Variants in ANKRD30BL observed in about 807,000 individuals in gnomAD.
The protein encoded by ANKRD30BL is ankyrin repeat domain 30B like.
Under a neutral mutation model 18.4 loss-of-function variants are expected in ANKRD30BL, and 20 were observed. The observed-to-expected ratio is 1.09, with a 90% CI of 0.77 to 1.58. The LOEUF (loss-of-function observed/expected upper bound fraction) is 1.58. Among genes scored for constraint, ANKRD30BL ranks in the 40% most tolerant of loss-of-function variants. The probability of loss-of-function intolerance (pLI) is 0.00; values close to 1 mark genes in which losing one functional copy is unlikely to be tolerated. For missense variants in ANKRD30BL, 224 were observed against 268.6 expected, an observed-to-expected ratio of 0.83 and a Z score of 1.16; for synonymous variants, 72 against 100.9, an observed-to-expected ratio of 0.71 and a Z score of 1.72.
intron 1 of ANKRD30BL, among the ~76,000 whole-genome samples, chr2:132,245,272 T>C (rs1340731197): frequency 1.3e-5 from 2 of 152,270 alleles, no homozygotes; most frequent in African/African-American, 4.8e-5. Context: ...GGGAATATCT[T>C]CACATAAAAA....
chr2:132,168,343 T>G (rs1162578155), intron 1 of ANKRD30BL, among the ~76,000 whole-genome samples: 1 of 152,202 alleles, frequency 6.6e-6, no homozygotes, highest in Non-Finnish European at 1.5e-5. Flanking sequence ...TTCTTGTGTA[T>G]TTTGAATAAT....
At chr2:132,198,281 TTTC>T (rs1410878178) in intron 1 of ANKRD30BL, among the ~76,000 whole-genome samples, 4 of 8,484 alleles carry the variant, frequency 4.7e-4, no homozygotes, top group Non-Finnish European at 9.8e-4. Context: ...TCTTTCTTTC[TTTC>T]TTTCTTTCTT....
intron 1 of ANKRD30BL, among the ~76,000 whole-genome samples, chr2:132,252,962 C>A (rs1037048666): frequency 6.6e-6 from 1 of 152,092 alleles, no homozygotes; most frequent in Admixed American, 6.5e-5. Flanking sequence ...GGGAGCCCCC[C>A]TTCCCCACGC....
upstream of ANKRD30BL, among the ~76,000 whole-genome samples, chr2:132,164,350 G>A (rs1248779713): frequency 2.7e-5 from 4 of 149,468 alleles, no homozygotes; most frequent in South Asian, 4.2e-4. Flanking sequence ...GAGTGCAGTG[G>A]CGTGATCTCG....
chr2:132,257,489 A>G, intron 1 of ANKRD30BL: 1 of 258,544 alleles, frequency 3.9e-6, no homozygotes, highest in African/African-American at 2.4e-5. Context: ...CTGGGTCCCC[A>G]CCGCGGAGGC....
chr2:132,177,153 A>AT (rs143824901), intron 1 of ANKRD30BL, among the ~76,000 whole-genome samples: 5,873 of 143,852 alleles, frequency 0.041, 367 homozygotes, highest in African/African-American at 0.14. Context: ...AGATGTGCCT[A>AT]TTTTTTTTTT....
intron 1 of ANKRD30BL, among the ~76,000 whole-genome samples, chr2:132,204,016 G>T (rs9287389): frequency 6.6e-6 from 1 of 152,180 alleles, no homozygotes; most frequent in African/African-American, 2.4e-5. Flanking sequence ...GAGAGTTATG[G>T]TTGTATACAG....
chr2:132,176,296 G>C (rs1233676699), intron 1 of ANKRD30BL, among the ~76,000 whole-genome samples: 1 of 151,872 alleles, frequency 6.6e-6, no homozygotes, highest in African/African-American at 2.4e-5. Context: ...TTGGGAGGCT[G>C]AGGCGAGTAG....
chr2:132,181,840 G>A (rs1376865451), intron 1 of ANKRD30BL, among the ~76,000 whole-genome samples: 1 of 152,106 alleles, frequency 6.6e-6, no homozygotes, highest in Non-Finnish European at 1.5e-5. Context: ...GGCTGGGGGC[G>A]GTGGCTCACA....
intron 1 of ANKRD30BL, among the ~76,000 whole-genome samples, chr2:132,189,505 T>C (rs1678801617): frequency 6.6e-6 from 1 of 151,570 alleles, no homozygotes; most frequent in African/African-American, 2.4e-5. Flanking sequence ...TATTTCCTCA[T>C]TGTCCTTTAG....
intron 1 of ANKRD30BL, among the ~76,000 whole-genome samples, chr2:132,232,783 T>C (rs940608163): frequency 2.0e-5 from 3 of 152,100 alleles, no homozygotes; most frequent in African/African-American, 7.2e-5. Flanking sequence ...CCAGGAGAAC[T>C]TCCCCAATCT....
intron 1 of ANKRD30BL, among the ~76,000 whole-genome samples, chr2:132,224,124 C>T (rs568157696): frequency 2.6e-4 from 39 of 151,832 alleles, no homozygotes; most frequent in Admixed American, 8.6e-4. Flanking sequence ...TCGTTGGAAG[C>T]GGGAAGATAT....
chr2:132,222,423 A>G (rs950353164), intron 1 of ANKRD30BL, among the ~76,000 whole-genome samples: 6 of 152,002 alleles, frequency 3.9e-5, no homozygotes, highest in Non-Finnish European at 7.3e-5. Flanking sequence ...AAATTGAGAA[A>G]TCGGATGGTT....
At chr2:132,211,562 TA>T (rs1465842198) in intron 1 of ANKRD30BL, among the ~76,000 whole-genome samples, 1 of 151,878 alleles carries the variant, frequency 6.6e-6, no homozygotes, top group Non-Finnish European at 1.5e-5. Context: ...GAAAAAGAAA[TA>T]TCTTCACATA....
chr2:132,253,802 T>G, intron 1 of ANKRD30BL, among the ~76,000 whole-genome samples: 2 of 144,476 alleles, frequency 1.4e-5, no homozygotes, highest in Non-Finnish European at 3.1e-5. Context: ...CGGGGGCGGA[T>G]GAGGGGGGTG....
intron 1 of ANKRD30BL, among the ~76,000 whole-genome samples, chr2:132,247,615 T>G (rs796159830): frequency 1.3e-5 from 2 of 149,380 alleles, no homozygotes; most frequent in African/African-American, 4.9e-5. Flanking sequence ...GGCCTCAAAA[T>G]GCTCAGATAT....
chr2:132,237,766 C>G (rs1261079414), intron 1 of ANKRD30BL, among the ~76,000 whole-genome samples: 3 of 151,670 alleles, frequency 2.0e-5, no homozygotes, highest in Non-Finnish European at 2.9e-5. Context: ...GCTTTGAAAG[C>G]CTATGGTGAA....
At chr2:132,217,952 A>G (rs905917574) in intron 1 of ANKRD30BL, among the ~76,000 whole-genome samples, 1 of 151,764 alleles carries the variant, frequency 6.6e-6, no homozygotes, top group Non-Finnish European at 1.5e-5. Context: ...ATATCTTCAC[A>G]TAAACTCTAG....
intron 5 of ANKRD30BL, among the ~76,000 whole-genome samples, 196 bp downstream of exon 5, chr2:132,150,716 A>G (rs1687734346): frequency 6.6e-6 from 1 of 152,010 alleles, no homozygotes; most frequent in African/African-American, 2.4e-5. Flanking sequence ...TAAACTACCT[A>G]CAACTAAATT....
Sources: gnomAD v4.1 joint callset for allele counts (sites outside exome capture counted in the v4.1 genomes callset) on GRCh38, gnomAD v4.1.1 for gene constraint, MANE v1.5 for transcripts, NCBI Gene and HGNC (gene_info 2026-07-23, HGNC 2026-07-21) for gene names.